RAVER1: variants seen among roughly 807,000 people sequenced by gnomAD.
RAVER1 encodes ribonucleoprotein PTB-binding 1.
In RAVER1, 36 loss-of-function variants were observed where a neutral mutation model predicts 68.4. That is an observed-to-expected ratio of 0.53 (90% CI 0.40 to 0.70). The LOEUF is 0.70. Among genes scored for constraint, RAVER1 ranks in the 30% least tolerant of loss-of-function variants. The pLI is 0.00. For synonymous variants in RAVER1, 469 were observed against 472.7 expected, an observed-to-expected ratio of 0.99 and a Z score of 0.10; for missense variants, 933 against 1,019.8, an observed-to-expected ratio of 0.91 and a Z score of 1.16.
chr19:10,320,383 G>A (rs1387275316), intron 9 of RAVER1, among the ~76,000 whole-genome samples: 4 of 151,624 alleles, frequency 2.6e-5, no homozygotes, highest in African/African-American at 9.7e-5. Context: ...GCGTGCCTGT[G>A]GTCCCAGCTC....
chr19:10,331,397 A>C lies in RAVER1; in HGVS notation c.220-871T>G, dbSNP rs761268069. Among the ~76,000 whole-genome samples the C allele has an allele frequency of 6.1e-3, 883 of 144,852 alleles. 8 individuals carry two copies. The highest frequency in any genetic ancestry group is 0.011 in the Non-Finnish European group (720 of 65,120). On this transcript the variant is annotated intron_variant, in intron 1 of 12. Coordinates refer to ENST00000617231, the MANE Select transcript of RAVER1 (RefSeq NM_133452.3). The stretch of plus-strand genomic sequence containing the variant: ...AAAAAAAAAAAATAACAACAACAAA[A>C]AAAAAAAAAAAAAAAGAGGCCGGGC...
chr19:10,331,422 C>T (rs1220894516), intron 1 of RAVER1, among the ~76,000 whole-genome samples: 1 of 137,066 alleles, frequency 7.3e-6, no homozygotes. Context: ...AGAGGCCGGG[C>T]TCACGCCTGT....
In RAVER1 at chr19:10,323,026, T is replaced by C. The variant is rs866764141; in HGVS notation, c.1078+119A>G. On this transcript the variant is annotated intron_variant, in intron 5 of 12. Coordinates refer to ENST00000617231, the MANE Select transcript of RAVER1 (RefSeq NM_133452.3). The surrounding 1 kb of genome is among the most constrained non-coding windows in gnomAD (Gnocchi z 6.2). ...CCCCGCTATGACTCCATACTCCCCCTCGGCCCTACTCCTGGGGCTCCTGTC... is the reference window on the plus strand; with the variant it reads ...CCCCGCTATGACTCCATACTCCCCCCCGGCCCTACTCCTGGGGCTCCTGTC... 1.9e-4 allele frequency: 166 copies of C among 867,358 alleles called. 1 individual carries two copies. The South Asian group carries it at 1.9e-3, about 10-fold the overall frequency. 53.7% of individuals were successfully genotyped at this position (867,358 alleles called of 1,614,324 possible). A position where few individuals can be genotyped will look rare whatever the true frequency, so the allele number is the denominator to read the frequency against.
rs1349832598 is a variant in RAVER1, at chr19:10,321,194, G to T, written c.1327C>A (p.Leu443Ile). Residue 443 changes from leucine to isoleucine, a missense_variant, in exon 8 of 13, where the codon CTT (leucine) becomes ATT (isoleucine). Transcript: ENST00000617231. ...GKPPPLLPSV[L>I]GPAGGDREAL... is the part of the protein sequence containing the mutation. ...TCCCGGTCACCCCCAGCAGGGCCAA[G>T]CACGGATGGCAGCAGGGGTGGTGGC... is the stretch of plus-strand genomic sequence containing the variant. The T allele has an allele frequency of 2.3e-6, 3 of 1,283,098 alleles. No individual in the cohort carries two copies. The highest frequency in any genetic ancestry group is 3.0e-6 in the Non-Finnish European group (3 of 1,012,034). The allele number at this position is 1,283,098 out of a possible 1,614,324, so 79.5% of individuals were successfully genotyped here.
intron 10 of RAVER1, 102 bp downstream of exon 10, chr19:10,319,064 A>G (rs111808396): frequency 0.011 from 11,683 of 1,111,220 alleles, 124 homozygotes; most frequent in South Asian, 0.038. Flanking sequence ...CACAAAGAAC[A>G]CACAAAATAC....
chr19:10,321,708 C>T, intron 6 of RAVER1, 90 bp from the exon 7 acceptor site: 2 of 1,083,320 alleles, frequency 1.8e-6, no homozygotes, highest in Non-Finnish European at 2.5e-6. Context: ...AGACACACCC[C>T]AACTCCAGGG....
In RAVER1 at chr19:10,333,094, T is replaced by G. The variant is rs2040535045; in HGVS notation, c.219+195A>C. On this transcript the variant is annotated intron_variant, in intron 1 of 12. Coordinates refer to ENST00000617231, the MANE Select transcript of RAVER1 (RefSeq NM_133452.3). The surrounding 1 kb of genome is among the most constrained non-coding windows in gnomAD (Gnocchi z 4.2). The stretch of plus-strand genomic sequence containing the variant: ...CGCCCCTAGCAACGCCCTCCCTCAC[T>G]TCGCAGTCGGTTTCCCCTTTCATCA... Among the ~76,000 whole-genome samples the G allele has an allele frequency of 6.6e-6, 1 of 151,670 alleles. No individual in the cohort carries two copies. The highest frequency in any genetic ancestry group is 1.5e-5 in the Non-Finnish European group (1 of 67,928).
Position 10,323,575 on chromosome 19 carries a change from G to A in RAVER1, c.757-9C>T. 1 of 1,572,614 alleles carries A rather than the reference G, an allele frequency of 6.4e-7. No individual in the cohort carries two copies. Among genetic ancestry groups the A allele is most frequent in the East Asian group, 2.3e-5 (1 of 44,354 alleles). ...TCCTGGCCGCACGCCAGCTGCCGGA[G>A]GAAGGCAGGCAGTCATGAGCATCTG... On this transcript the variant is annotated splice_polypyrimidine_tract_variant and intron_variant, in intron 3 of 12. Transcript: ENST00000617231. The surrounding 1 kb of genome is among the most constrained non-coding windows in gnomAD (Gnocchi z 6.2).
In RAVER1 at chr19:10,330,508, T is replaced by C; in HGVS notation, c.238A>G (p.Ser80Gly). 1.3e-6 allele frequency: 2 copies of C among 1,520,348 alleles called. No individual in the cohort carries two copies. Among genetic ancestry groups the C allele is most frequent in the Non-Finnish European group, 1.8e-6 (2 of 1,110,306 alleles). 94.2% of individuals were successfully genotyped at this position (1,520,348 alleles called of 1,614,324 possible). A position where few individuals can be genotyped will look rare whatever the true frequency, so the allele number is the denominator to read the frequency against. The part of the protein sequence containing the change: ...VTNQEVHDLL[S>G]DYELKYCFVD... ...AAACAGTATTTGAGCTCATAGTCAC[T>C]GAGCAGGTCATGTACTTCCTGTGGA... The change falls in exon 2 of 13, where the codon AGT becomes GGT. Residue 80 changes from serine to glycine, a missense_variant. Ser to Gly is a moderately conservative substitution (Grantham distance 56, BLOSUM62 0). This residue lies in a region of RAVER1 where 211 missense variants were observed against 230.0 expected (regional missense o/e 0.92). Transcript: ENST00000617231.
rs1288506681 is a variant in RAVER1, at chr19:10,329,705, G to A, written c.287-594C>T. On this transcript the variant is annotated intron_variant, in intron 2 of 12. Transcript: ENST00000617231. This position sits in a 1 kb window ranked among gnomAD's most constrained non-coding sequence, Gnocchi z 4.6. ...CTGCCACGTGCTGCCCCAGATTTGC[G>A]ATCCACCCAGCGGCCGCAGGAAGCT... Among the ~76,000 whole-genome samples, 1 of 152,050 alleles carries A rather than the reference G, an allele frequency of 6.6e-6. No homozygotes were observed. The highest frequency in any genetic ancestry group is 1.5e-5 in the Non-Finnish European group (1 of 68,024).
rs1568311648 is a variant in RAVER1 at position 10,323,354 on chromosome 19, C to CCGGGCCCCGCGGGCCCAA, written c.948+20_948+21insTTGGGCCCGCGGGGCCCG. ...TGGGGCTCCCATCCCCACCCCGCCA[C>CCGGGCCCCGCGGGCCCAA]CTCTGCCCGCACAGGCTCACCGTGG... On this transcript the variant is annotated intron_variant, in intron 4 of 12. Transcript: ENST00000617231. The surrounding 1 kb of genome is among the most constrained non-coding windows in gnomAD (Gnocchi z 6.2). The CCGGGCCCCGCGGGCCCAA allele has an allele frequency of 6.2e-7, 1 of 1,606,948 alleles. No homozygotes were observed. Among genetic ancestry groups the CCGGGCCCCGCGGGCCCAA allele is most frequent in the Non-Finnish European group, 8.5e-7 (1 of 1,176,750 alleles).
rs1208661381 is a variant in RAVER1 at position 10,317,603 on chromosome 19, GGA to G, written c.2074-5_2074-4del. ...CGTTTCTGGCCGCCCAGTGGGGTCT[GGA>G]GACAGAGGGCAGGGCGGGGCGGGTC... On this transcript the variant is annotated splice_region_variant and splice_polypyrimidine_tract_variant and intron_variant, in intron 12 of 12. Coordinates refer to ENST00000617231, the MANE Select transcript of RAVER1 (RefSeq NM_133452.3). This position sits in a 1 kb window ranked among gnomAD's most constrained non-coding sequence, Gnocchi z 4.3. 6.2e-7 allele frequency: 1 copy of G among 1,605,724 alleles called. No homozygotes were observed. Among genetic ancestry groups the G allele is most frequent in the Admixed American group, 1.7e-5 (1 of 58,798 alleles).
At chr19:10,318,431 A>C (rs945793480) in intron 10 of RAVER1, 59 bp from the exon 11 acceptor site, 4 of 1,363,382 alleles carry the variant, frequency 2.9e-6, no homozygotes, top group Admixed American at 2.6e-5. Context: ...CCCTTTGTAT[A>C]CAATCTTCCC....
chr19:10,325,697 C>T (rs1169985901), intron 3 of RAVER1, among the ~76,000 whole-genome samples: 6 of 151,944 alleles, frequency 3.9e-5, no homozygotes, highest in African/African-American at 1.5e-4. Context: ...TGTAGTTCCC[C>T]AGCTACATGG....
Position 10,328,494 on chromosome 19 carries a change from G to A in RAVER1, c.756+148C>T, listed in dbSNP as rs1270634222. The A allele has an allele frequency of 3.2e-6, 2 of 619,834 alleles. No homozygotes were observed. The highest frequency in any genetic ancestry group is 3.0e-5 in the Admixed American group (1 of 33,736). The allele number at this position is 619,834 out of a possible 1,614,324, so 38.4% of individuals were successfully genotyped here. A position where few individuals can be genotyped will look rare whatever the true frequency, so the allele number is the denominator to read the frequency against. On this transcript the variant is annotated intron_variant, in intron 3 of 12. Transcript: ENST00000617231. The surrounding 1 kb of genome is among the most constrained non-coding windows in gnomAD (Gnocchi z 4.4). ...TTGAACCAAAGAGGCGGAGGTTGCA[G>A]TGAACTGAGATTGTATCACTGCACT...
At chr19:10,330,309 G>C in intron 2 of RAVER1, 151 bp downstream of exon 2, 1 of 577,714 alleles carries the variant, frequency 1.7e-6, no homozygotes, top group South Asian at 2.1e-5. Flanking sequence ...GTCCCAAGAT[G>C]ACAGGATGAC....
chr19:10,325,259 C>T lies in RAVER1; in HGVS notation c.757-1693G>A, dbSNP rs780427511. ...GTTTTTTTTGAGACGGAGTCTCGCT[C>T]TGCCACCCAGACTGGAATGCAGTAG... On this transcript the variant is annotated intron_variant, in intron 3 of 12. Transcript: ENST00000617231. Among the ~76,000 whole-genome samples the T allele has an allele frequency of 6.4e-4, 98 of 152,124 alleles. 1 individual carries two copies. The highest frequency in any genetic ancestry group is 8.5e-4 in the Admixed American group (13 of 15,264).
chr19:10,330,157 G>A (rs955637385), intron 2 of RAVER1, among the ~76,000 whole-genome samples: 10 of 151,822 alleles, frequency 6.6e-5, no homozygotes, highest in Non-Finnish European at 1.3e-4. Flanking sequence ...AAGCAGGGGT[G>A]ACTGGCTGAG....
rs1339360039 is a variant in RAVER1 at position 10,333,476 on chromosome 19, G to A, written c.32C>T (p.Pro11Leu). The A allele has an allele frequency of 1.2e-6, 2 of 1,609,878 alleles. No individual in the cohort carries two copies. The highest frequency in any genetic ancestry group is 2.2e-5 in the East Asian group (1 of 44,858). Residue 11 changes from proline to leucine, a missense_variant, in exon 1 of 13, where the codon CCC becomes CTC. Coordinates refer to ENST00000617231, the MANE Select transcript of RAVER1 (RefSeq NM_133452.3). This position sits in a 1 kb window ranked among gnomAD's most constrained non-coding sequence, Gnocchi z 4.2. MAADVSVTHR[P>L]PLSPKSGAEV... ...GGCCCCAGACTTAGGGCTCAGCGGG[G>A]GCCGGTGAGTAACGGACACGTCCGC...
Sources: allele counts gnomAD v4.1 joint callset (sites outside exome capture counted in the v4.1 genomes callset), GRCh38; gene constraint gnomAD v4.1.1; regional missense constraint gnomAD v4.1.1; non-coding constraint Gnocchi (gnomAD v3.1); transcripts MANE v1.5; gene names NCBI Gene and HGNC (gene_info 2026-07-23, HGNC 2026-07-21).